Variants in CPA6 observed in about 807,000 individuals in gnomAD.
CPA6 encodes the protein carboxypeptidase A6.
Under a neutral mutation model 63.3 loss-of-function variants are expected in CPA6, and 58 were observed. The observed-to-expected ratio is 0.92, with a 90% CI of 0.74 to 1.14. CPA6 has a LOEUF of 1.14. CPA6 is among the 50% of genes most tolerant of loss of function. The pLI is 0.00. For missense variants in CPA6, 565 were observed against 526.6 expected, an observed-to-expected ratio of 1.07 and a Z score of -0.71; for synonymous variants, 185 against 179.0, an observed-to-expected ratio of 1.03 and a Z score of -0.27.
At chr8:67,585,597 A>C (rs747222685) in intron 2 of CPA6, among the ~76,000 whole-genome samples, 1 of 152,204 alleles carries the variant, frequency 6.6e-6, no homozygotes, top group Non-Finnish European at 1.5e-5. Context: ...CTACAGCTAC[A>C]GCATGCAAAC....
At chr8:67,668,367 A>T (rs1220354951) in intron 1 of CPA6, among the ~76,000 whole-genome samples, 1 of 152,216 alleles carries the variant, frequency 6.6e-6, no homozygotes, top group Non-Finnish European at 1.5e-5. Context: ...ACTGTTGCTC[A>T]TCTGTTGTCC....
intron 8 of CPA6, among the ~76,000 whole-genome samples, chr8:67,436,038 C>T (rs944759217): frequency 1.3e-5 from 2 of 151,552 alleles, no homozygotes; most frequent in African/African-American, 2.4e-5. Flanking sequence ...TAGCAAAAGC[C>T]TCCCTCCCAG....
intron 1 of CPA6, among the ~76,000 whole-genome samples, chr8:67,742,848 T>C (rs1817937834): frequency 6.6e-6 from 1 of 152,194 alleles, no homozygotes; most frequent in Non-Finnish European, 1.5e-5. Flanking sequence ...TAAGTAGTTT[T>C]CAAAAATCAT....
intron 1 of CPA6, among the ~76,000 whole-genome samples, chr8:67,706,847 T>G (rs1338688559): frequency 6.6e-6 from 1 of 152,212 alleles, no homozygotes. Flanking sequence ...GAATTGGGTC[T>G]GACATCAATA....
chr8:67,552,933 C>A (rs1812982845), intron 2 of CPA6, among the ~76,000 whole-genome samples: 2 of 151,822 alleles, frequency 1.3e-5, no homozygotes, highest in South Asian at 4.2e-4. Context: ...AAAAGGATGA[C>A]AATAAGTAGA....
chr8:67,641,963 G>T lies in CPA6; in HGVS notation c.117-17712C>A, dbSNP rs150479916. ...AATATACAGTTCTCTAAAATGTAAGGTACCTAGCAATTCATATAACAAAAG... is the reference window on the plus strand; with the variant it reads ...AATATACAGTTCTCTAAAATGTAAGTTACCTAGCAATTCATATAACAAAAG... On this transcript the variant is annotated intron_variant, in intron 1 of 10. Coordinates refer to ENST00000297770, the MANE Select transcript of CPA6 (RefSeq NM_020361.5). Among the ~76,000 whole-genome samples, 10 of 152,226 alleles carry T rather than the reference G, an allele frequency of 6.6e-5. No individual in the cohort carries two copies. The East Asian group carries it at 1.9e-3, about 29-fold the overall frequency.
intron 1 of CPA6, among the ~76,000 whole-genome samples, chr8:67,688,394 T>C (rs1351517447): frequency 6.6e-6 from 1 of 152,174 alleles, no homozygotes; most frequent in Non-Finnish European, 1.5e-5. Flanking sequence ...CCTTGATTCT[T>C]GAACAGGACA....
chr8:67,608,733 C>T (rs1252929187), intron 2 of CPA6, among the ~76,000 whole-genome samples: 1 of 152,188 alleles, frequency 6.6e-6, no homozygotes, highest in Non-Finnish European at 1.5e-5. Flanking sequence ...CCCAACAGCG[C>T]TCACCCCAGC....
intron 2 of CPA6, among the ~76,000 whole-genome samples, chr8:67,561,756 T>A (rs1329552237): frequency 1.3e-5 from 2 of 152,182 alleles, no homozygotes; most frequent in African/African-American, 4.8e-5. Flanking sequence ...ATTAGGAGAA[T>A]GTCCTTGTTT....
intron 8 of CPA6, among the ~76,000 whole-genome samples, chr8:67,457,388 T>G (rs967076928): frequency 6.6e-6 from 1 of 152,192 alleles, no homozygotes; most frequent in African/African-American, 2.4e-5. Context: ...GATTCTTTGG[T>G]TTTTGGTCAA....
At chr8:67,611,070 A>T (rs1375354810) in intron 2 of CPA6, among the ~76,000 whole-genome samples, 1 of 143,714 alleles carries the variant, frequency 7.0e-6, no homozygotes, top group South Asian at 2.3e-4. Flanking sequence ...TACCATGGCC[A>T]TGGCCTTTTC....
chr8:67,607,049 T>G (rs1457243393), intron 2 of CPA6, among the ~76,000 whole-genome samples: 1 of 152,014 alleles, frequency 6.6e-6, no homozygotes, highest in Non-Finnish European at 1.5e-5. Context: ...CTAAGTTCTT[T>G]CCTAGATGTA....
At chr8:67,444,489 T>C (rs1434774447) in intron 8 of CPA6, among the ~76,000 whole-genome samples, 2 of 151,856 alleles carry the variant, frequency 1.3e-5, no homozygotes, top group Admixed American at 1.3e-4. Flanking sequence ...TATCATTTTG[T>C]GAAAGTAAAA....
chr8:67,702,592 T>C (rs1172883120), intron 1 of CPA6, among the ~76,000 whole-genome samples: 1 of 152,146 alleles, frequency 6.6e-6, no homozygotes, highest in Non-Finnish European at 1.5e-5. Flanking sequence ...ATCTTAGAAG[T>C]TGGACGAGTG....
chr8:67,520,769 C>A (rs879672989), intron 2 of CPA6, among the ~76,000 whole-genome samples: 2 of 152,232 alleles, frequency 1.3e-5, no homozygotes, highest in Admixed American at 6.5e-5. Flanking sequence ...ATGGCCGATA[C>A]AAGACATGCT....
At chr8:67,659,396 G>T (rs1006803472) in intron 1 of CPA6, among the ~76,000 whole-genome samples, 2 of 152,214 alleles carry the variant, frequency 1.3e-5, no homozygotes, top group African/African-American at 4.8e-5. Context: ...TACACGTAAA[G>T]TGGGAAAGGA....
intron 8 of CPA6, among the ~76,000 whole-genome samples, chr8:67,459,760 A>C (rs141990141): frequency 6.6e-6 from 1 of 152,368 alleles, no homozygotes; most frequent in Non-Finnish European, 1.5e-5. Context: ...ATATGTTCCA[A>C]CATTTCAGTG....
chr8:67,499,444 T>C (rs1811789088), intron 6 of CPA6, among the ~76,000 whole-genome samples: 1 of 152,232 alleles, frequency 6.6e-6, no homozygotes, highest in South Asian at 2.1e-4. Context: ...GATTTGGAGA[T>C]AAATTAGGGT....
Position 67,511,708 on chromosome 8 carries a change from T to G in CPA6, c.318-53A>C. 17 of 1,025,018 alleles carry G rather than the reference T, an allele frequency of 1.7e-5. No individual in the cohort carries two copies. In the South Asian group the frequency reaches 2.2e-4, roughly 13 times the overall value. The allele number at this position is 1,025,018 out of a possible 1,614,324, so 63.5% of individuals were successfully genotyped here. On this transcript the variant is annotated intron_variant, in intron 3 of 10. Coordinates refer to ENST00000297770, the MANE Select transcript of CPA6 (RefSeq NM_020361.5). ...AAAGTAAATTGAGATATTGCAAAAATCAGGCAACACCCAGAAAAAATCATA... is the reference window on the plus strand; with the variant it reads ...AAAGTAAATTGAGATATTGCAAAAAGCAGGCAACACCCAGAAAAAATCATA...
Sources: gnomAD v4.1 joint callset for allele counts (sites outside exome capture counted in the v4.1 genomes callset) on GRCh38, gnomAD v4.1.1 for gene constraint, MANE v1.5 for transcripts, NCBI Gene and HGNC (gene_info 2026-07-23, HGNC 2026-07-21) for gene names.